Variants in LRRIQ3 observed in about 807,000 individuals in gnomAD.
LRRIQ3 encodes the protein leucine rich repeats and IQ motif containing 3.
Under a neutral mutation model 59.3 loss-of-function variants are expected in LRRIQ3, and 75 were observed. The ratio of observed to expected loss-of-function variants is 1.26; its 90% CI spans 1.05 to 1.53. The LOEUF is 1.53. LRRIQ3 is among the 40% of genes most tolerant of loss of function. The pLI is 0.00. For missense variants in LRRIQ3, 831 were observed against 710.0 expected (o/e 1.17, Z -1.94); for synonymous variants, 250 against 231.3 (o/e 1.08, Z -0.73).
intron 6 of LRRIQ3, among the ~76,000 whole-genome samples, chr1:74,055,446 T>A (rs1191277527): frequency 6.6e-6 from 1 of 152,110 alleles, no homozygotes; most frequent in Non-Finnish European, 1.5e-5. Flanking sequence ...CATGGAGTCA[T>A]AAAATATGTG....
At chr1:74,058,824 T>C (rs1419419013) in intron 6 of LRRIQ3, among the ~76,000 whole-genome samples, 1 of 152,120 alleles carries the variant, frequency 6.6e-6, no homozygotes, top group Non-Finnish European at 1.5e-5. Context: ...CATCATACTG[T>C]ACCCCATAAA....
At chr1:74,132,892 C>A (rs995287104) in intron 4 of LRRIQ3, among the ~76,000 whole-genome samples, 177 of 152,182 alleles carry the variant, frequency 1.2e-3, no homozygotes, top group African/African-American at 4.2e-3. Context: ...AGAACTTCTG[C>A]ACAGCAAAAG....
intron 1 of LRRIQ3, among the ~76,000 whole-genome samples, chr1:74,187,014 T>C (rs867297003): frequency 2.0e-5 from 3 of 151,690 alleles, no homozygotes; most frequent in Middle Eastern, 6.8e-3. Context: ...AGAATGGCCA[T>C]AATTAAAAAG....
At chr1:74,140,538 A>G (rs972212810) in intron 4 of LRRIQ3, among the ~76,000 whole-genome samples, 2 of 151,922 alleles carry the variant, frequency 1.3e-5, no homozygotes, top group Non-Finnish European at 2.9e-5. Context: ...AATAAGGAAT[A>G]GAATAGTTGA....
At chr1:74,042,526 T>C (rs2100392186) in intron 6 of LRRIQ3, among the ~76,000 whole-genome samples, 1 of 152,210 alleles carries the variant, frequency 6.6e-6, no homozygotes, top group Admixed American at 6.5e-5. Context: ...TACAAAAATA[T>C]ACCTGTAAGT....
At chr1:74,059,235 T>C (rs998795300) in intron 6 of LRRIQ3, among the ~76,000 whole-genome samples, 17 of 152,062 alleles carry the variant, frequency 1.1e-4, no homozygotes, top group Non-Finnish European at 2.2e-4. Context: ...TTTCTATCTG[T>C]ATTTATTTGC....
chr1:74,167,204 C>A (rs1291884953), intron 3 of LRRIQ3, among the ~76,000 whole-genome samples: 5 of 151,844 alleles, frequency 3.3e-5, no homozygotes, highest in Admixed American at 2.6e-4. Context: ...TGGAACCAGC[C>A]CAAATGCCCA....
chr1:74,124,901 C>T (rs970550251), intron 4 of LRRIQ3, among the ~76,000 whole-genome samples: 1 of 151,824 alleles, frequency 6.6e-6, no homozygotes. Context: ...TGAAGAATGT[C>T]ATTGATATTT....
chr1:74,166,174 A>C (rs1425328696), intron 3 of LRRIQ3, among the ~76,000 whole-genome samples: 1 of 151,648 alleles, frequency 6.6e-6, no homozygotes, highest in African/African-American at 2.4e-5. Context: ...CCAGTGAAGC[A>C]ATCTAGTCTT....
chr1:74,191,136 G>A (rs1650741585), intron 1 of LRRIQ3, among the ~76,000 whole-genome samples: 1 of 152,116 alleles, frequency 6.6e-6, no homozygotes, highest in Non-Finnish European at 1.5e-5. Flanking sequence ...TGAATGCCTA[G>A]TTCCATTAAC....
chr1:74,174,987 G>A (rs1026941696), intron 3 of LRRIQ3, among the ~76,000 whole-genome samples: 3 of 152,102 alleles, frequency 2.0e-5, no homozygotes, highest in Non-Finnish European at 4.4e-5. Context: ...ACTTACGTTG[G>A]TGCTTGTGCA....
intron 7 of LRRIQ3, among the ~76,000 whole-genome samples, chr1:74,034,904 T>C (rs1279709269): frequency 6.6e-6 from 1 of 152,040 alleles, no homozygotes; most frequent in Non-Finnish European, 1.5e-5. Flanking sequence ...AATGTTTCTA[T>C]ACAAGCCTTA....
intron 5 of LRRIQ3, among the ~76,000 whole-genome samples, chr1:74,091,900 C>T (rs530327591): frequency 2.0e-5 from 3 of 152,104 alleles, no homozygotes; most frequent in South Asian, 4.1e-4. Context: ...CTTTAATATT[C>T]GTTTACCTTT....
intron 6 of LRRIQ3, among the ~76,000 whole-genome samples, chr1:74,066,128 G>C (rs535551304): frequency 8.7e-5 from 13 of 150,106 alleles, no homozygotes; most frequent in Non-Finnish European, 1.8e-4. Flanking sequence ...AGAGGTAACA[G>C]TGAGCCAAGA....
intron 4 of LRRIQ3, among the ~76,000 whole-genome samples, chr1:74,150,030 G>A (rs1004260547): frequency 6.6e-6 from 1 of 152,220 alleles, no homozygotes; most frequent in Non-Finnish European, 1.5e-5. Context: ...TGTAGGAAAA[G>A]AGAAATGCAG....
intron 6 of LRRIQ3, among the ~76,000 whole-genome samples, chr1:74,067,046 A>G (rs1654886227): frequency 6.6e-6 from 1 of 152,212 alleles, no homozygotes; most frequent in Admixed American, 6.6e-5. Context: ...ATACTTTGTA[A>G]GAACAAAATT....
chr1:74,129,964 C>T (rs535122784), intron 4 of LRRIQ3, among the ~76,000 whole-genome samples: 60 of 149,736 alleles, frequency 4.0e-4, no homozygotes, highest in African/African-American at 1.4e-3. Flanking sequence ...CAAAGTTGCC[C>T]CCCCACCAAA....
intron 2 of LRRIQ3, 142 bp downstream of exon 2, chr1:74,183,294 G>T: frequency 1.5e-6 from 1 of 655,490 alleles, no homozygotes; most frequent in Non-Finnish European, 2.4e-6. Context: ...CATCTTACAT[G>T]CTTTTAATTT....
chr1:74,194,968 A>C (rs567252543), intron 1 of LRRIQ3, among the ~76,000 whole-genome samples: 1 of 152,260 alleles, frequency 6.6e-6, no homozygotes, highest in African/African-American at 2.4e-5. Context: ...TGGACAAAGT[A>C]GATTATGATT....
Sources: gnomAD v4.1 joint callset for allele counts (sites outside exome capture counted in the v4.1 genomes callset) on GRCh38, gnomAD v4.1.1 for gene constraint, MANE v1.5 for transcripts, NCBI Gene and HGNC (gene_info 2026-07-23, HGNC 2026-07-21) for gene names.